Variants in HERC1 observed in about 807,000 individuals in gnomAD.
The protein encoded by HERC1 is HECT and RLD domain containing E3 ubiquitin protein ligase family member 1.
In HERC1, 160 loss-of-function variants were observed where a neutral mutation model predicts 554.3. That is an observed-to-expected ratio of 0.29 (90% confidence interval 0.25 to 0.33). The LOEUF (loss-of-function observed/expected upper bound fraction) is 0.33. Ranked by LOEUF, HERC1 falls within the 10% of genes least tolerant of loss-of-function variation. The pLI is 1.00. For missense variants in HERC1, 4,919 were observed against 5,918.5 expected, an observed-to-expected ratio of 0.83 and a Z score of 5.54; for synonymous variants, 2,175 against 2,131.7, an observed-to-expected ratio of 1.02 and a Z score of -0.56.
At chr15:63,669,772 G>C (rs189399678) in intron 39 of HERC1, 74 bp from the exon 40 acceptor site, 2 of 1,371,008 alleles carry the variant, frequency 1.5e-6, no homozygotes, top group Non-Finnish European at 2.1e-6. Context: ...TCTTCTTATA[G>C]AAGAATATGC....
At chr15:63,630,698 A>G in intron 68 of HERC1, 63 bp from the exon 69 acceptor site, 2 of 1,503,196 alleles carry the variant, frequency 1.3e-6, no homozygotes, top group Non-Finnish European at 1.8e-6. Context: ...GTGCTTTTAT[A>G]TTTTCTGATC....
chr15:63,690,475 T>A, intron 32 of HERC1, 66 bp downstream of exon 32: 1 of 1,005,890 alleles, frequency 9.9e-7, no homozygotes, highest in Non-Finnish European at 1.5e-6. Context: ...GACTGTTAAG[T>A]ACAGATTTGG....
At chr15:63,655,647 G>T in intron 50 of HERC1, 95 bp downstream of exon 50, 1 of 862,364 alleles carries the variant, frequency 1.2e-6, no homozygotes, top group Non-Finnish European at 1.8e-6. Context: ...AGAAACTCAC[G>T]TCATATAATT....
chr15:63,794,919 A>T (rs2076764775), intron 1 of HERC1, among the ~76,000 whole-genome samples: 1 of 152,096 alleles, frequency 6.6e-6, no homozygotes, highest in Non-Finnish European at 1.5e-5. Flanking sequence ...TACAAAAATT[A>T]GCCAGGCGTG....
In HERC1 at chr15:63,664,574, G is replaced by C. The variant is rs968490579; in HGVS notation, c.8576C>G (p.Thr2859Arg). 2 of 1,613,324 alleles carry C rather than the reference G, an allele frequency of 1.2e-6. No homozygotes were observed. Among genetic ancestry groups the C allele is most frequent in the African/African-American group, 1.3e-5 (1 of 74,890 alleles). ...FSESPDNLDHTENAASGSGPS... is the reference protein window; with the variant it reads ...FSESPDNLDHRENAASGSGPS... ...TCCACTTCCAGAAGCTGCATTCTCT[G>C]TATGATCCAAATTATCAGGGCTACA... Residue 2859 changes from threonine (T) to arginine (R), a missense_variant, in exon 43 of 78, where the codon ACA becomes AGA. Transcript: ENST00000443617.
intron 65 of HERC1, among the ~76,000 whole-genome samples, chr15:63,635,428 C>G (rs1420030587): frequency 6.6e-6 from 1 of 152,166 alleles, no homozygotes; most frequent in Non-Finnish European, 1.5e-5. Context: ...GAAGCCCAAG[C>G]TGAACAGCAT....
At position 63,758,354 on chromosome 15, in the gene HERC1, A is replaced by T; in HGVS notation, c.1042T>A (p.Ser348Thr). The T allele has an allele frequency of 6.3e-7, 1 of 1,589,396 alleles. No homozygotes were observed. Among genetic ancestry groups the T allele is most frequent in the Non-Finnish European group, 8.6e-7 (1 of 1,160,030 alleles). Residue 348 changes from serine to threonine, a missense_variant, in exon 4 of 78, where the codon TCT becomes ACT. Ser to Thr is a moderately conservative substitution (Grantham distance 58). Coordinates refer to ENST00000443617, the MANE Select transcript of HERC1 (RefSeq NM_003922.4). This position sits in a 1 kb window ranked among gnomAD's most constrained non-coding sequence, Gnocchi z 4.0. Reference protein sequence around the residue: ...CLFEEVCRMASDYSRTCASPD... With the variant: ...CLFEEVCRMATDYSRTCASPD... ...CTAGCACATGTTCTCGAATAATCAG[A>T]AGCCATTCTGCAAACCTATTAAAAA... is the stretch of plus-strand genomic sequence containing the variant.
chr15:63,714,545 G>GTTTTTTTTTT (rs773905620), intron 22 of HERC1, among the ~76,000 whole-genome samples: 1 of 95,830 alleles, frequency 1.0e-5, no homozygotes, highest in African/African-American at 3.9e-5. Flanking sequence ...TCCTTTTTCT[G>GTTTTTTTTTT]TTTTTTTTTT....
intron 1 of HERC1, among the ~76,000 whole-genome samples, chr15:63,782,647 G>A (rs1276131082): frequency 6.6e-6 from 1 of 152,190 alleles, no homozygotes; most frequent in Non-Finnish European, 1.5e-5. Flanking sequence ...TCAAGTCTTA[G>A]TATTTAAGAA....
chr15:63,611,832 A>T (rs2067606131), intron 77 of HERC1, among the ~76,000 whole-genome samples: 1 of 152,258 alleles, frequency 6.6e-6, no homozygotes, highest in Non-Finnish European at 1.5e-5. Context: ...AGTATTAATA[A>T]GCATGAATCG....
At chr15:63,689,481 T>G in intron 33 of HERC1, 108 bp downstream of exon 33, 1 of 595,788 alleles carries the variant, frequency 1.7e-6, no homozygotes, top group Non-Finnish European at 3.0e-6. Context: ...AGAGAGGAAA[T>G]GGAATAAATG....
At position 63,729,544 on chromosome 15, in the gene HERC1, G is replaced by A; in HGVS notation, c.2974C>T (p.Leu992=). ...PAHLHELLCS[L]QKQLLAFCHI... Reference sequence around the variant, plus strand: ...CAAAATGCCAGCAGCTGTTTCTGTAGTGAACATAGCAGTTCATGAAGATGA... The same window carrying A: ...CAAAATGCCAGCAGCTGTTTCTGTAATGAACATAGCAGTTCATGAAGATGA... The change falls in exon 15 of 78, where the codon CTA becomes TTA. Residue 992 remains leucine, a synonymous_variant. Coordinates refer to ENST00000443617, the MANE Select transcript of HERC1 (RefSeq NM_003922.4). 1 of 1,613,846 alleles carries A rather than the reference G, an allele frequency of 6.2e-7. No individual in the cohort carries two copies. Among genetic ancestry groups the A allele is most frequent in the Non-Finnish European group, 8.5e-7 (1 of 1,179,796 alleles).
Position 63,775,434 on chromosome 15 carries a change from C to T in HERC1, c.190G>A (p.Asp64Asn). 6.2e-7 allele frequency: 1 copy of T among 1,613,972 alleles called. No individual in the cohort carries two copies. Residue 64 changes from aspartate (D) to asparagine (N), a missense_variant, in exon 2 of 78, where the codon GAC becomes AAC. Physicochemically the swap from Asp to Asn is conservative, Grantham distance 23. Coordinates refer to ENST00000443617, the MANE Select transcript of HERC1 (RefSeq NM_003922.4). The surrounding 1 kb of genome is among the most constrained non-coding windows in gnomAD (Gnocchi z 4.0). ...CTTGAAAGAGACTCACGTTCAAAGTCTGGCAACTGTGGTCCTTTGAGGCAT... is the reference window on the plus strand; with the variant it reads ...CTTGAAAGAGACTCACGTTCAAAGTTTGGCAACTGTGGTCCTTTGAGGCAT... ...VLCLKGPQLP[D>N]FERESLSSDE...
At chr15:63,735,711 G>A (rs1313198508) in intron 12 of HERC1, among the ~76,000 whole-genome samples, 3 of 152,092 alleles carry the variant, frequency 2.0e-5, no homozygotes, top group South Asian at 2.1e-4. Context: ...ACTCCATAGC[G>A]CCTGTCAGTT....
chr15:63,684,814 C>G (rs1026669379), intron 34 of HERC1, among the ~76,000 whole-genome samples: 2 of 152,144 alleles, frequency 1.3e-5, no homozygotes, highest in African/African-American at 4.8e-5. Context: ...TCCAGATCAG[C>G]CTGGCCAACA....
chr15:63,703,301 G>T (rs1026499948), intron 25 of HERC1, among the ~76,000 whole-genome samples: 3 of 152,154 alleles, frequency 2.0e-5, no homozygotes, highest in Admixed American at 6.5e-5. Flanking sequence ...GTTCAACAGC[G>T]TGAATCTTAG....
intron 38 of HERC1, among the ~76,000 whole-genome samples, 151 bp from the exon 39 acceptor site, chr15:63,672,845 ATT>A (rs1211300762): frequency 6.6e-6 from 1 of 152,214 alleles, no homozygotes; most frequent in Non-Finnish European, 1.5e-5. Flanking sequence ...AGAAAAAAAT[ATT>A]CTTACTTATA....
At chr15:63,635,848 T>C in intron 65 of HERC1, 113 bp downstream of exon 65, 1 of 1,140,018 alleles carries the variant, frequency 8.8e-7, no homozygotes, top group Non-Finnish European at 1.3e-6. Context: ...GGATCTCTTA[T>C]AATTACTGTG....
intron 1 of HERC1, among the ~76,000 whole-genome samples, chr15:63,786,625 T>C (rs1596251989): frequency 6.6e-6 from 1 of 152,350 alleles, no homozygotes; most frequent in Admixed American, 6.5e-5. Flanking sequence ...GTAAACATTC[T>C]GCCAATTGAA....
Sources: allele counts gnomAD v4.1 joint callset (sites outside exome capture counted in the v4.1 genomes callset), GRCh38; gene constraint gnomAD v4.1.1; non-coding constraint Gnocchi (gnomAD v3.1); transcripts MANE v1.5; gene names NCBI Gene and HGNC (gene_info 2026-07-23, HGNC 2026-07-21).